SDK1: variants seen among roughly 807,000 people sequenced by gnomAD.
The protein encoded by SDK1 is protein sidekick-1.
SDK1 carries 157 observed loss-of-function variants against 245.5 expected under a neutral mutation model. That is an observed-to-expected ratio of 0.64 (90% CI 0.56 to 0.73). The LOEUF (loss-of-function observed/expected upper bound fraction) is 0.73. SDK1 is among the 30% of genes least tolerant of loss of function. The pLI, the probability that SDK1 is intolerant of heterozygous loss-of-function variation, is 0.00. For missense variants in SDK1, 3,583 were observed against 3,002.3 expected (o/e 1.19, Z -4.52); for synonymous variants, 1,647 against 1,278.5 (o/e 1.29, Z -6.15).
At chr7:3,430,847 G>A (rs1779823998) in intron 1 of SDK1, among the ~76,000 whole-genome samples, 1 of 152,184 alleles carries the variant, frequency 6.6e-6, no homozygotes, top group East Asian at 1.9e-4. Flanking sequence ...GCAGAGCTGT[G>A]TCACTCACTT....
At chr7:3,390,358 C>T (rs573190072) in intron 1 of SDK1, among the ~76,000 whole-genome samples, 2 of 152,130 alleles carry the variant, frequency 1.3e-5, no homozygotes, top group African/African-American at 4.8e-5. Context: ...TAAATGTTTA[C>T]CACTGACAGT....
intron 1 of SDK1, among the ~76,000 whole-genome samples, chr7:3,535,460 G>C (rs1475621828): frequency 6.6e-6 from 1 of 152,124 alleles, no homozygotes; most frequent in East Asian, 1.9e-4. Flanking sequence ...TATGGCTGCA[G>C]TGTGGTGTAT....
intron 13 of SDK1, among the ~76,000 whole-genome samples, chr7:3,977,477 GC>G (rs1421910825): frequency 6.6e-6 from 1 of 152,222 alleles, no homozygotes; most frequent in Non-Finnish European, 1.5e-5. Context: ...GTTTCCCCCA[GC>G]CCCTGCCTTC....
At chr7:3,502,116 A>G (rs1303399977) in intron 1 of SDK1, among the ~76,000 whole-genome samples, 1 of 152,114 alleles carries the variant, frequency 6.6e-6, no homozygotes, top group East Asian at 1.9e-4. Flanking sequence ...ATATTAGACA[A>G]ACGTGTGAGT....
At chr7:3,454,589 T>G (rs1237445372) in intron 1 of SDK1, among the ~76,000 whole-genome samples, 3 of 152,240 alleles carry the variant, frequency 2.0e-5, no homozygotes, top group African/African-American at 7.2e-5. Flanking sequence ...GTTTTCCGTT[T>G]CTATAATACG....
At chr7:3,585,232 A>G (rs1275340378) in intron 1 of SDK1, among the ~76,000 whole-genome samples, 1 of 152,184 alleles carries the variant, frequency 6.6e-6, no homozygotes, top group Non-Finnish European at 1.5e-5. Context: ...ACTTTGGAAA[A>G]TGGCTACGTA....
intron 1 of SDK1, among the ~76,000 whole-genome samples, chr7:3,584,914 C>T (rs1312906257): frequency 2.0e-5 from 3 of 151,878 alleles, no homozygotes; most frequent in Admixed American, 6.6e-5. Context: ...TTAGCGGAGA[C>T]GGAGTTTCAC....
At chr7:3,667,251 A>G (rs892663763) in intron 4 of SDK1, among the ~76,000 whole-genome samples, 1 of 152,240 alleles carries the variant, frequency 6.6e-6, no homozygotes, top group Non-Finnish European at 1.5e-5. Flanking sequence ...CCATATTATT[A>G]TAAAAAACAC....
chr7:3,403,861 AT>A (rs1778973717), intron 1 of SDK1, among the ~76,000 whole-genome samples: 10 of 109,198 alleles, frequency 9.2e-5, no homozygotes, highest in East Asian at 5.0e-4. Flanking sequence ...ATATATATAT[AT>A]ATATATAATA....
chr7:3,959,213 C>T (rs142708186), intron 8 of SDK1, among the ~76,000 whole-genome samples, 199 bp downstream of exon 8: 6 of 152,178 alleles, frequency 3.9e-5, no homozygotes, highest in South Asian at 2.1e-4. Flanking sequence ...TCCTCCCCTG[C>T]GAAACAGAGA....
intron 44 of SDK1, among the ~76,000 whole-genome samples, chr7:4,255,822 C>G (rs796896519): frequency 9.9e-5 from 15 of 152,134 alleles, no homozygotes; most frequent in African/African-American, 3.6e-4. Flanking sequence ...TCAAGCACCA[C>G]AGACTCTCAC....
rs573002046 is a variant in SDK1, at chr7:3,844,891, G to A, written c.847+23308G>A. On this transcript the variant is annotated intron_variant, in intron 5 of 44. Transcript: ENST00000404826. ...GTAGAACCTCCTGAATTAATCAAAC[G>A]ACTGGTTACCAAATAAAATTTTTTT... Among the ~76,000 whole-genome samples the A allele has an allele frequency of 8.5e-5, 13 of 152,274 alleles. No homozygotes were observed. In the South Asian group the frequency reaches 2.1e-3, roughly 24 times the overall value.
At chr7:4,070,728 G>C (rs1017724315) in intron 20 of SDK1, among the ~76,000 whole-genome samples, 1 of 119,064 alleles carries the variant, frequency 8.4e-6, no homozygotes, top group Non-Finnish European at 1.8e-5. Context: ...TTTTTTTTTT[G>C]AGATGGAGTC....
At position 4,043,771 on chromosome 7, in the gene SDK1, A is replaced by G. The variant is rs551440287; in HGVS notation, c.2603-5577A>G. 3.9e-4 allele frequency among the ~76,000 whole-genome samples: 59 copies of G among 152,236 alleles called. No homozygotes were observed. The Middle Eastern group carries it at 0.01, about 26-fold the overall frequency. On this transcript the variant is annotated intron_variant, in intron 17 of 44. Transcript: ENST00000404826. ...CTCATAGCCTTACTTTAGAGAATTT[A>G]ACAACATTTGATATTTGGTATTCTG...
intron 4 of SDK1, among the ~76,000 whole-genome samples, chr7:3,725,728 A>G (rs919008490): frequency 1.3e-5 from 2 of 152,174 alleles, no homozygotes; most frequent in Non-Finnish European, 2.9e-5. Context: ...GGAAGCCAAG[A>G]CCACTGGAGA....
chr7:4,002,108 T>C (rs557641947), intron 14 of SDK1, among the ~76,000 whole-genome samples: 1 of 152,376 alleles, frequency 6.6e-6, no homozygotes, highest in African/African-American at 2.4e-5. Context: ...TTAACTAGAA[T>C]CCTGCAGAAA....
At chr7:3,765,579 T>C (rs1762914322) in intron 4 of SDK1, among the ~76,000 whole-genome samples, 1 of 152,224 alleles carries the variant, frequency 6.6e-6, no homozygotes, top group Non-Finnish European at 1.5e-5. Flanking sequence ...TCCTGTATTT[T>C]CACATGGAAT....
Position 3,754,066 on chromosome 7 carries a change from T to C in SDK1, c.714-67384T>C, listed in dbSNP as rs113707691. Among the ~76,000 whole-genome samples the C allele has an allele frequency of 9.3e-3, 1,416 of 152,246 alleles. 27 individuals are homozygous for C. The highest frequency in any genetic ancestry group is 0.032 in the African/African-American group (1,312 of 41,538). ...AGCAAATGACTAGGCCATATGGAAA[T>C]TGGTTGTAAAAGATGTTTTAGATTA... On this transcript the variant is annotated intron_variant, in intron 4 of 44. Transcript: ENST00000404826.
At chr7:3,923,322 A>G (rs1465676656) in intron 5 of SDK1, among the ~76,000 whole-genome samples, 1 of 151,220 alleles carries the variant, frequency 6.6e-6, no homozygotes, top group Non-Finnish European at 1.5e-5. Flanking sequence ...CTTCACTTTT[A>G]TTTTGCCACA....
Sources: allele counts gnomAD v4.1 joint callset (sites outside exome capture counted in the v4.1 genomes callset), GRCh38; gene constraint gnomAD v4.1.1; transcripts MANE v1.5; gene names NCBI Gene and HGNC (gene_info 2026-07-23, HGNC 2026-07-21).